The following PRKAR1B variants were observed in gnomAD, a reference collection of about 807,000 sequenced individuals.
PRKAR1B encodes the protein cAMP-dependent protein kinase type I-beta regulatory subunit.
In PRKAR1B, 22 loss-of-function variants were observed where a neutral mutation model predicts 46.5. The ratio of observed to expected loss-of-function variants is 0.47; its 90% CI spans 0.34 to 0.68. The LOEUF (loss-of-function observed/expected upper bound fraction) is 0.68, where lower values mean the gene tolerates loss of function less well. Among genes scored for constraint, PRKAR1B ranks in the 30% least tolerant of loss-of-function variants. The pLI is 0.01. For synonymous variants in PRKAR1B, 259 were observed against 217.7 expected, an observed-to-expected ratio of 1.19 and a Z score of -1.67; for missense variants, 445 against 535.6, an observed-to-expected ratio of 0.83 and a Z score of 1.67.
At chr7:663,853 C>T (rs1313619878) in intron 4 of PRKAR1B, among the ~76,000 whole-genome samples, 2 of 152,186 alleles carry the variant, frequency 1.3e-5, no homozygotes, top group Non-Finnish European at 2.9e-5. Flanking sequence ...TTACAACTGC[C>T]TCCCGAATCG....
At chr7:551,726 G>A (rs1251918047) in intron 9 of PRKAR1B, among the ~76,000 whole-genome samples, 5 of 135,732 alleles carry the variant, frequency 3.7e-5, no homozygotes, top group Admixed American at 7.8e-5. Flanking sequence ...CAGAGCCACT[G>A]CCACCACCAT....
rs529663298 is a variant in PRKAR1B, at chr7:605,714, G to A, written c.549+479C>T. Among the ~76,000 whole-genome samples, 8 of 152,300 alleles carry A rather than the reference G, an allele frequency of 5.3e-5. 1 individual carries two copies. The highest frequency in any genetic ancestry group is 4.2e-4 in the South Asian group (2 of 4,818). On this transcript the variant is annotated intron_variant, in intron 6 of 10. Transcript: ENST00000537384. ...GTGAGACCCGACTCACGGCTGGGACGTTCCAAGCTGGGAGCCAAACGCAGG... is the reference window on the plus strand; with the variant it reads ...GTGAGACCCGACTCACGGCTGGGACATTCCAAGCTGGGAGCCAAACGCAGG...
rs1562541953 is a variant in PRKAR1B at position 588,683 on chromosome 7, GA to G, written c.709-4116del. ...GGATAGTGACAGTGGTGATGACGAT[GA>G]TGGTGATGGTGGTGATGGTGATGGT... On this transcript the variant is annotated intron_variant, in intron 7 of 10. Transcript: ENST00000537384. Among the ~76,000 whole-genome samples, 232 of 38,558 alleles carry G rather than the reference GA, an allele frequency of 6.0e-3. 2 individuals carry two copies. The highest frequency in any genetic ancestry group is 0.022 in the South Asian group (14 of 636). 25.3% of individuals were successfully genotyped at this position (38,558 alleles called of 152,430 possible). A position where few individuals can be genotyped will look rare whatever the true frequency, so the allele number is the denominator to read the frequency against.
rs1201875243 is a variant in PRKAR1B at position 714,209 on chromosome 7, C to CT, written c.-22-2683dup. On this transcript the variant is annotated intron_variant, in intron 1 of 10. Transcript: ENST00000537384. This position sits in a 1 kb window ranked among gnomAD's most constrained non-coding sequence, Gnocchi z 4.3. The stretch of plus-strand genomic sequence containing the variant: ...CGGGGGGCAGATGCTCCAGGCCTGG[C>CT]TGCTTCTCTCCCGGGCTGTCCTGGG... 6.6e-6 allele frequency among the ~76,000 whole-genome samples: 1 copy of CT among 152,204 alleles called. No homozygotes were observed. The highest frequency in any genetic ancestry group is 2.4e-5 in the African/African-American group (1 of 41,442).
At chr7:632,568 G>C (rs749797731) in intron 4 of PRKAR1B, among the ~76,000 whole-genome samples, 5 of 152,176 alleles carry the variant, frequency 3.3e-5, no homozygotes, top group Non-Finnish European at 5.9e-5. Flanking sequence ...CCCTTGTTCC[G>C]AGCACACTGG....
chr7:598,533 C>T (rs975384641), intron 6 of PRKAR1B, among the ~76,000 whole-genome samples: 1 of 146,158 alleles, frequency 6.8e-6, no homozygotes, highest in Non-Finnish European at 1.5e-5. Flanking sequence ...CACCATCACC[C>T]TCCAGCACCC....
Position 644,154 on chromosome 7 carries a change from C to G in PRKAR1B, c.440+33075G>C, listed in dbSNP as rs1784519183. On this transcript the variant is annotated intron_variant, in intron 4 of 10. Transcript: ENST00000537384. This position sits in a 1 kb window ranked among gnomAD's most constrained non-coding sequence, Gnocchi z 4.9. The stretch of plus-strand genomic sequence containing the variant: ...GGCCACATGCACCCCCTCCTGTGCC[C>G]TCACCTACACAGGCAGGCAGCACAG... 1.3e-5 allele frequency among the ~76,000 whole-genome samples: 2 copies of G among 152,140 alleles called. No homozygotes were observed. Among genetic ancestry groups the G allele is most frequent in the African/African-American group, 4.8e-5 (2 of 41,412 alleles).
chr7:636,433 C>T (rs1486889491), intron 4 of PRKAR1B, among the ~76,000 whole-genome samples: 1 of 85,384 alleles, frequency 1.2e-5, no homozygotes, highest in East Asian at 3.1e-4. Context: ...CGTCCTCCAC[C>T]GGCCGCGCCC....
intron 4 of PRKAR1B, among the ~76,000 whole-genome samples, chr7:658,260 C>G (rs979054761): frequency 1.3e-5 from 2 of 151,968 alleles, no homozygotes; most frequent in African/African-American, 4.8e-5. Flanking sequence ...ACAGCGAGAC[C>G]CCCATCTCTA....
chr7:648,559 C>A (rs546491999), intron 4 of PRKAR1B, among the ~76,000 whole-genome samples: 1 of 151,486 alleles, frequency 6.6e-6, no homozygotes, highest in Non-Finnish European at 1.5e-5. Context: ...TGCAGTGAGC[C>A]GAGATCACGC....
At chr7:692,488 A>C (rs1197791433) in intron 2 of PRKAR1B, among the ~76,000 whole-genome samples, 1 of 152,098 alleles carries the variant, frequency 6.6e-6, no homozygotes, top group Non-Finnish European at 1.5e-5. Context: ...GAGAGAAGGC[A>C]GGTGCATCAC....
At chr7:716,428 C>T (rs889086679) in intron 1 of PRKAR1B, among the ~76,000 whole-genome samples, 2 of 152,096 alleles carry the variant, frequency 1.3e-5, no homozygotes, top group African/African-American at 4.8e-5. Flanking sequence ...TCCAATTCAC[C>T]CTCCAAGATT....
chr7:574,979 T>C (rs1261963003), intron 9 of PRKAR1B, among the ~76,000 whole-genome samples: 1 of 152,222 alleles, frequency 6.6e-6, no homozygotes, highest in Non-Finnish European at 1.5e-5. Context: ...GCCACCGCCA[T>C]TGCTCTGTTG....
At chr7:725,213 C>CAA (rs572091049) in intron 1 of PRKAR1B, among the ~76,000 whole-genome samples, 4 of 85,774 alleles carry the variant, frequency 4.7e-5, no homozygotes, top group Admixed American at 1.3e-4. Context: ...GATTCCATCT[C>CAA]AAAAAAAAAA....
At chr7:675,733 G>C (rs1031930343) in intron 4 of PRKAR1B, among the ~76,000 whole-genome samples, 1 of 152,126 alleles carries the variant, frequency 6.6e-6, no homozygotes, top group Admixed American at 6.6e-5. Flanking sequence ...GGATCATGAG[G>C]TCAGGAGTTC....
intron 2 of PRKAR1B, among the ~76,000 whole-genome samples, chr7:684,362 T>C (rs1778885451): frequency 6.6e-6 from 1 of 152,138 alleles, no homozygotes; most frequent in African/African-American, 2.4e-5. Context: ...AAATGGCAGA[T>C]GGAAAGTGCA....
chr7:689,152 G>C (rs1779271459), intron 2 of PRKAR1B, among the ~76,000 whole-genome samples: 1 of 151,736 alleles, frequency 6.6e-6, no homozygotes, highest in Non-Finnish European at 1.5e-5. Flanking sequence ...GTCTCGCTCT[G>C]TCACCCAGGC....
intron 4 of PRKAR1B, among the ~76,000 whole-genome samples, chr7:661,876 G>C (rs1439665519): frequency 2.2e-5 from 1 of 45,546 alleles, no homozygotes; most frequent in African/African-American, 1.0e-4. Flanking sequence ...TACTCCAACA[G>C]GTCCAAATAC....
rs1031794091 is a variant in PRKAR1B at position 602,133 on chromosome 7, C to T, written c.549+4060G>A. Among the ~76,000 whole-genome samples the T allele has an allele frequency of 1.3e-5, 2 of 152,122 alleles. No individual in the cohort carries two copies. The highest frequency in any genetic ancestry group is 2.4e-5 in the African/African-American group (1 of 41,418). ...CTCCCCTCCACTCAGGCTTCAGCCC[C>T]GACCCCACGCTAACTGGGCCAGGGC... On this transcript the variant is annotated intron_variant, in intron 6 of 10. Transcript: ENST00000537384. The surrounding 1 kb of genome is among the most constrained non-coding windows in gnomAD (Gnocchi z 6.4).
Sources: allele counts gnomAD v4.1 joint callset (sites outside exome capture counted in the v4.1 genomes callset), GRCh38; gene constraint gnomAD v4.1.1; non-coding constraint Gnocchi (gnomAD v3.1); transcripts MANE v1.5; gene names NCBI Gene and HGNC (gene_info 2026-07-23, HGNC 2026-07-21).